Variants in MED25 observed in about 807,000 individuals in gnomAD.
MED25 encodes the protein mediator complex subunit 25.
Under a neutral mutation model 89.4 loss-of-function variants are expected in MED25, and 62 were observed. The ratio of observed to expected loss-of-function variants is 0.69; its 90% CI spans 0.57 to 0.86. The LOEUF (loss-of-function observed/expected upper bound fraction) is 0.86, where lower values mean the gene tolerates loss of function less well. MED25 is among the 40% of genes least tolerant of loss of function. The pLI, the probability that MED25 is intolerant of heterozygous loss-of-function variation, is 0.00. For missense variants in MED25, 905 were observed against 1,005.2 expected (o/e 0.90, Z 1.35); for synonymous variants, 449 against 427.9 (o/e 1.05, Z -0.61).
intron 3 of MED25, among the ~76,000 whole-genome samples, chr19:49,820,430 G>A (rs540659466): frequency 1.9e-4 from 29 of 152,338 alleles, no homozygotes; most frequent in African/African-American, 6.3e-4. Flanking sequence ...GGTTAGCCTA[G>A]GCACGGGCTT....
chr19:49,838,826 G>A (rs1232003216), downstream of MED25: 2 of 441,972 alleles, frequency 4.5e-6, no homozygotes, highest in East Asian at 1.4e-4. Flanking sequence ...TGTCAATAGG[G>A]TTTGTTTTGA....
At chr19:49,837,217 C>G (rs963632786), downstream of MED25, among the ~76,000 whole-genome samples, 1 of 152,200 alleles carries the variant, frequency 6.6e-6, no homozygotes, top group African/African-American at 2.4e-5. Context: ...CCATGGGAGC[C>G]TGGAAGAGGC....
intron 3 of MED25, among the ~76,000 whole-genome samples, chr19:49,822,789 A>G (rs1212654487): frequency 6.6e-6 from 1 of 151,744 alleles, no homozygotes; most frequent in Non-Finnish European, 1.5e-5. Context: ...CTGGGACTAC[A>G]GGTGCCCGCC....
At chr19:49,838,590 A>C (rs2074115353), downstream of MED25, 1 of 457,380 alleles carries the variant, frequency 2.2e-6, no homozygotes, top group Non-Finnish European at 4.4e-6. Flanking sequence ...CGGCAAAACG[A>C]AAGAGAGAAG....
rs774388864 is a variant in MED25, at chr19:49,830,635, C to T, written c.907+37C>T. 27 of 1,612,272 alleles carry T rather than the reference C, an allele frequency of 1.7e-5. 1 individual carries two copies. In the South Asian group the frequency reaches 3.0e-4, roughly 18 times the overall value. The stretch of plus-strand genomic sequence containing the variant: ...AGTGAGGATGAAGGGCGGGCAGGGG[C>T]CAGGCAGGCCTCTCTCCACACACTT... On this transcript the variant is annotated intron_variant, in intron 8 of 17. Transcript: ENST00000312865. The surrounding 1 kb of genome is among the most constrained non-coding windows in gnomAD (Gnocchi z 4.6).
At chr19:49,838,228 C>T (rs1474633946), downstream of MED25, among the ~76,000 whole-genome samples, 1 of 152,166 alleles carries the variant, frequency 6.6e-6, no homozygotes, top group Non-Finnish European at 1.5e-5. Flanking sequence ...TTTTGTTTGG[C>T]CTTCCCTGTG....
chr19:49,818,893 G>A (rs79974763), intron 2 of MED25: 1 of 577,832 alleles, frequency 1.7e-6, no homozygotes, highest in Middle Eastern at 4.6e-4. Context: ...CGTCTGGACT[G>A]CTGGGTCTGA....
chr19:49,836,681 A>C lies in MED25; in HGVS notation c.2147-166A>C. 1 of 739,718 alleles carries C rather than the reference A, an allele frequency of 1.4e-6. No individual in the cohort carries two copies. Among genetic ancestry groups the C allele is most frequent in the South Asian group, 1.5e-5 (1 of 67,228 alleles). The allele number at this position is 739,718 out of a possible 1,614,324, so 45.8% of individuals were successfully genotyped here. Reference sequence around the variant, plus strand: ...TAGGGCCAGAGAAGTAGTTTTGGAGAAGGGCCCCCAAAGGCTCATGGGAAA... The same window carrying C: ...TAGGGCCAGAGAAGTAGTTTTGGAGCAGGGCCCCCAAAGGCTCATGGGAAA... On this transcript the variant is annotated intron_variant, in intron 17 of 17. Transcript: ENST00000312865. The surrounding 1 kb of genome is among the most constrained non-coding windows in gnomAD (Gnocchi z 5.1).
chr19:49,835,471 C>T lies in MED25; in HGVS notation c.1675-63C>T, dbSNP rs1017259727. On this transcript the variant is annotated intron_variant, in intron 14 of 17. Coordinates refer to ENST00000312865, the MANE Select transcript of MED25 (RefSeq NM_030973.4). The surrounding 1 kb of genome is among the most constrained non-coding windows in gnomAD (Gnocchi z 6.2). Reference sequence around the variant, plus strand: ...TAGTTCCCCTCAGGGCACAGGCCCTCCCGCCTCAGATTCAGGATGCCACCA... The same window carrying T: ...TAGTTCCCCTCAGGGCACAGGCCCTTCCGCCTCAGATTCAGGATGCCACCA... The T allele has an allele frequency of 3.4e-6, 5 of 1,462,876 alleles. No individual in the cohort carries two copies. The African/African-American group carries it at 7.1e-5, about 21-fold the overall frequency. 90.6% of individuals were successfully genotyped at this position (1,462,876 alleles called of 1,614,324 possible).
chr19:49,830,242 C>G lies in MED25; in HGVS notation c.819+24C>G. On this transcript the variant is annotated intron_variant, in intron 7 of 17. Transcript: ENST00000312865. This position sits in a 1 kb window ranked among gnomAD's most constrained non-coding sequence, Gnocchi z 4.6. ...AGGTATGGATATTTCCGGGAAGGGA[C>G]ATGCTTCTGGGGACTTGCTGGAGCC... 6.2e-7 allele frequency: 1 copy of G among 1,604,702 alleles called. No homozygotes were observed. The highest frequency in any genetic ancestry group is 8.5e-7 in the Non-Finnish European group (1 of 1,175,246).
In MED25 at chr19:49,830,070, C is replaced by T. The variant is rs2074043163; in HGVS notation, c.689-18C>T. 4 of 1,601,444 alleles carry T rather than the reference C, an allele frequency of 2.5e-6. No homozygotes were observed. The highest frequency in any genetic ancestry group is 2.7e-5 in the African/African-American group (2 of 74,730). Reference sequence around the variant, plus strand: ...TGAATCCCTTCTCTCTGGGGTTGGCCATCCCTCCTGCTCTCAGTTGGGGGT... The same window carrying T: ...TGAATCCCTTCTCTCTGGGGTTGGCTATCCCTCCTGCTCTCAGTTGGGGGT... On this transcript the variant is annotated intron_variant, in intron 6 of 17. Transcript: ENST00000312865. This position sits in a 1 kb window ranked among gnomAD's most constrained non-coding sequence, Gnocchi z 4.6.
downstream of MED25, chr19:49,838,511 C>T (rs894470650): frequency 1.3e-5 from 6 of 452,562 alleles, no homozygotes; most frequent in African/African-American, 1.2e-4. Flanking sequence ...GGGGTTTGCA[C>T]TGTGGTTGTT....
At chr19:49,828,326 C>T in intron 3 of MED25, 123 bp from the exon 4 acceptor site, 3 of 734,256 alleles carry the variant, frequency 4.1e-6, no homozygotes, top group Admixed American at 1.8e-5. Flanking sequence ...CAGCAGGGTC[C>T]CCGTCATCCC....
In MED25 at chr19:49,830,798, C is replaced by T; in HGVS notation, c.1012C>T (p.Pro338Ser). Residue 338 changes from proline (P) to serine (S), a missense_variant, in exon 9 of 18, where the codon CCA (proline) becomes TCA (serine). By Grantham distance (74) the Pro-to-Ser change is moderately conservative. Coordinates refer to ENST00000312865, the MANE Select transcript of MED25 (RefSeq NM_030973.4). The surrounding 1 kb of genome is among the most constrained non-coding windows in gnomAD (Gnocchi z 4.6). ...CCCAGGACCCCCTGGCGCCCCCAAG[C>T]CACCACCTGCTTCCCAGCCCAGTCT... ...LPPGPPGAPK[P>S]PPASQPSLVS... The T allele has an allele frequency of 6.2e-7, 1 of 1,613,440 alleles. No individual in the cohort carries two copies. The highest frequency in any genetic ancestry group is 1.1e-5 in the South Asian group (1 of 91,064).
intron 3 of MED25, among the ~76,000 whole-genome samples, chr19:49,821,516 C>T (rs891870237): frequency 6.6e-6 from 1 of 152,232 alleles, no homozygotes; most frequent in Non-Finnish European, 1.5e-5. Context: ...CCTGTAATCC[C>T]AGCACTTTGG....
chr19:49,820,386 A>C (rs141508790), intron 3 of MED25, among the ~76,000 whole-genome samples: 51 of 152,310 alleles, frequency 3.3e-4, no homozygotes, highest in African/African-American at 1.2e-3. Context: ...ATTGCACATA[A>C]CCGTTGCTAT....
downstream of MED25, among the ~76,000 whole-genome samples, chr19:49,837,930 A>T (rs1188018387): frequency 6.6e-6 from 1 of 152,164 alleles, no homozygotes; most frequent in East Asian, 1.9e-4. Context: ...AATACCCAGC[A>T]GGGAACAGGT....
chr19:49,819,003 C>T, intron 2 of MED25, 169 bp from the exon 3 acceptor site: 2 of 839,296 alleles, frequency 2.4e-6, no homozygotes, highest in Non-Finnish European at 3.8e-6. Flanking sequence ...GCCTGGATTC[C>T]TGGGTCTGAG....
intron 2 of MED25, 156 bp downstream of exon 2, chr19:49,818,772 G>A: frequency 2.6e-6 from 2 of 769,598 alleles, no homozygotes; most frequent in South Asian, 3.3e-5. Flanking sequence ...AGGGCCTGGG[G>A]GCCTGGACTC....
Sources: allele counts gnomAD v4.1 joint callset (sites outside exome capture counted in the v4.1 genomes callset), GRCh38; gene constraint gnomAD v4.1.1; non-coding constraint Gnocchi (gnomAD v3.1); transcripts MANE v1.5; gene names NCBI Gene and HGNC (gene_info 2026-07-23, HGNC 2026-07-21).